PAQR5: variants seen among roughly 807,000 people sequenced by gnomAD.
PAQR5 encodes progestin and adipoQ receptor family member 5.
A neutral mutation model predicts 34.5 loss-of-function variants in PAQR5; 20 were observed. That is an observed-to-expected ratio of 0.58 (90% CI 0.41 to 0.84). PAQR5 has a LOEUF of 0.84. Among genes scored for constraint, PAQR5 ranks in the 40% least tolerant of loss-of-function variants. PAQR5 has a pLI of 0.00. For missense variants in PAQR5, 378 were observed against 412.7 expected, an observed-to-expected ratio of 0.92 and a Z score of 0.73; for synonymous variants, 131 against 155.6, an observed-to-expected ratio of 0.84 and a Z score of 1.18.
At chr15:69,319,790 C>A (rs1335372708) in intron 1 of PAQR5, among the ~76,000 whole-genome samples, 2 of 152,180 alleles carry the variant, frequency 1.3e-5, no homozygotes, top group African/African-American at 4.8e-5. Context: ...CTGAATGAAG[C>A]CTGTCTCCTG....
chr15:69,378,436 CAAA>C (rs1235264927), intron 3 of PAQR5, among the ~76,000 whole-genome samples: 2 of 52,528 alleles, frequency 3.8e-5, no homozygotes, highest in Admixed American at 3.1e-4. Context: ...GACCCTGTCT[CAAA>C]AAAAAAAAAA....
chr15:69,396,198 T>C (rs1294404190), intron 6 of PAQR5, among the ~76,000 whole-genome samples: 1 of 148,762 alleles, frequency 6.7e-6, no homozygotes, highest in Non-Finnish European at 1.5e-5. Context: ...TATGGTCAGG[T>C]GGCTTTACTG....
At chr15:69,387,177 C>T (rs1181616755) in intron 5 of PAQR5, among the ~76,000 whole-genome samples, 2 of 152,260 alleles carry the variant, frequency 1.3e-5, no homozygotes, top group Non-Finnish European at 2.9e-5. Flanking sequence ...GGGCCCTCAT[C>T]AGCCAGAAGC....
chr15:69,302,864 A>T (rs11072078), intron 1 of PAQR5, among the ~76,000 whole-genome samples: 70,323 of 152,080 alleles, frequency 0.46, 19,077 homozygotes, highest in Middle Eastern at 0.62. Flanking sequence ...CCTAACAAGG[A>T]TGCAGCAGAG....
At chr15:69,383,520 T>C (rs1345651838) in intron 4 of PAQR5, among the ~76,000 whole-genome samples, 8 of 131,840 alleles carry the variant, frequency 6.1e-5, no homozygotes. Context: ...TGGCCCTCTG[T>C]GTTCATCGTG....
chr15:69,326,766 AG>A (rs2054262157), intron 1 of PAQR5, among the ~76,000 whole-genome samples: 2 of 152,104 alleles, frequency 1.3e-5, no homozygotes, highest in South Asian at 4.1e-4. Context: ...TTTATGTTTT[AG>A]AGCAGATGTA....
intron 1 of PAQR5, among the ~76,000 whole-genome samples, chr15:69,320,220 C>A (rs950820713): frequency 5.3e-5 from 8 of 152,250 alleles, no homozygotes; most frequent in African/African-American, 1.9e-4. Flanking sequence ...AGAACGATCC[C>A]AGGCTGGCGT....
At chr15:69,376,174 G>A (rs1314633226) in intron 3 of PAQR5, among the ~76,000 whole-genome samples, 3 of 152,174 alleles carry the variant, frequency 2.0e-5, no homozygotes, top group Admixed American at 6.5e-5. Flanking sequence ...AGGGGTGCAA[G>A]GTGGAGTCCT....
chr15:69,394,667 G>A (rs1595938676), intron 6 of PAQR5, among the ~76,000 whole-genome samples: 1 of 152,174 alleles, frequency 6.6e-6, no homozygotes, highest in African/African-American at 2.4e-5. Context: ...TTCCTCTATA[G>A]CAGCCCCTTA....
chr15:69,306,542 G>A (rs1414205968), intron 1 of PAQR5, among the ~76,000 whole-genome samples: 1 of 151,380 alleles, frequency 6.6e-6, no homozygotes, highest in African/African-American at 2.4e-5. Context: ...CTCCCGAGTA[G>A]CTGGGATTAC....
chr15:69,330,119 C>T (rs2054346109), intron 1 of PAQR5, among the ~76,000 whole-genome samples: 1 of 152,138 alleles, frequency 6.6e-6, no homozygotes, highest in Non-Finnish European at 1.5e-5. Flanking sequence ...CTCTATGTGC[C>T]TCTCCCCATC....
chr15:69,380,734 C>A (rs571279692), intron 4 of PAQR5, among the ~76,000 whole-genome samples: 6 of 152,330 alleles, frequency 3.9e-5, no homozygotes, highest in African/African-American at 1.4e-4. Context: ...CACAGTGGAT[C>A]TGAGCTGGAA....
At chr15:69,323,367 G>T (rs2054173502) in intron 1 of PAQR5, among the ~76,000 whole-genome samples, 1 of 152,230 alleles carries the variant, frequency 6.6e-6, no homozygotes. Context: ...CCCTCTTTAT[G>T]CCTTCGGCTC....
At chr15:69,391,620 C>G in intron 6 of PAQR5, 1 of 455,978 alleles carries the variant, frequency 2.2e-6, no homozygotes, top group Non-Finnish European at 4.4e-6. Flanking sequence ...TGGACCTGGT[C>G]CTTGGACCAG....
intron 1 of PAQR5, chr15:69,314,377 GT>G (rs2053896351): frequency 6.6e-6 from 1 of 152,170 alleles, no homozygotes. Context: ...CAGATGCCCA[GT>G]TGCTGGAACA....
At chr15:69,402,225 C>CT (rs1354891520) in intron 8 of PAQR5, among the ~76,000 whole-genome samples, 1 of 152,186 alleles carries the variant, frequency 6.6e-6, no homozygotes, top group African/African-American at 2.4e-5. Context: ...CCGGAGGCCT[C>CT]TCTCTTTGGC....
chr15:69,355,165 A>ATCTC (rs111764681), intron 2 of PAQR5, among the ~76,000 whole-genome samples: 1,548 of 145,166 alleles, frequency 0.011, 27 homozygotes, highest in African/African-American at 0.036. Flanking sequence ...CCTGTCACCC[A>ATCTC]TCTCTCTCTC....
chr15:69,333,118 T>C (rs907489326), intron 1 of PAQR5, among the ~76,000 whole-genome samples: 4 of 152,160 alleles, frequency 2.6e-5, no homozygotes, highest in Admixed American at 2.0e-4. Context: ...GTTGACTGAA[T>C]TATTTTTTTC....
At chr15:69,324,948 G>C (rs113454341) in intron 1 of PAQR5, among the ~76,000 whole-genome samples, 6,163 of 150,780 alleles carry the variant, frequency 0.041, 264 homozygotes, top group East Asian at 0.15. Context: ...GCCCAGGCTG[G>C]AGTGCAGTGG....
Sources: allele counts gnomAD v4.1 joint callset (sites outside exome capture counted in the v4.1 genomes callset), GRCh38; gene constraint gnomAD v4.1.1; transcripts MANE v1.5; gene names NCBI Gene and HGNC (gene_info 2026-07-23, HGNC 2026-07-21).